The following AGBL1 variants were observed in gnomAD, a reference collection of about 807,000 sequenced individuals.
AGBL1 encodes AGBL carboxypeptidase 1, also known as cytosolic carboxypeptidase 4.
A neutral mutation model predicts 118.9 loss-of-function variants in AGBL1; 130 were observed. The ratio of observed to expected loss-of-function variants is 1.09; its 90% confidence interval spans 0.95 to 1.26. The LOEUF is 1.26. Among genes scored for constraint, AGBL1 ranks in the 50% most tolerant of loss-of-function variants. The pLI is 0.00. For synonymous variants in AGBL1, 555 were observed against 478.9 expected (o/e 1.16, Z -2.08); for missense variants, 1,584 against 1,298.1 (o/e 1.22, Z -3.38).
At chr15:86,923,745 TATC>T (rs2080503551) in intron 23 of AGBL1, among the ~76,000 whole-genome samples, 1 of 152,342 alleles carries the variant, frequency 6.6e-6, no homozygotes, top group East Asian at 1.9e-4. Context: ...TTATGGATAT[TATC>T]TGACAAAATG....
intron 6 of AGBL1, among the ~76,000 whole-genome samples, chr15:86,246,617 G>T (rs1300279897): frequency 8.5e-5 from 13 of 152,142 alleles, no homozygotes; most frequent in Admixed American, 8.5e-4. Context: ...CAGGCCATGT[G>T]GCAAACAACC....
At chr15:86,550,776 T>A (rs901333111) in intron 20 of AGBL1, among the ~76,000 whole-genome samples, 2 of 151,972 alleles carry the variant, frequency 1.3e-5, no homozygotes, top group Admixed American at 1.3e-4. Flanking sequence ...AACAAAAGAA[T>A]GTATATTCTT....
intron 23 of AGBL1, among the ~76,000 whole-genome samples, chr15:86,948,751 T>C (rs1423851845): frequency 6.6e-6 from 1 of 152,216 alleles, no homozygotes; most frequent in African/African-American, 2.4e-5. Context: ...CATTGATATA[T>C]CTAAAATAAA....
chr15:86,563,207 G>A (rs1234577951), intron 21 of AGBL1, among the ~76,000 whole-genome samples: 10 of 151,984 alleles, frequency 6.6e-5, no homozygotes, highest in African/African-American at 2.2e-4. Context: ...GTTTGCTCTT[G>A]CTTCTCTAGT....
intron 22 of AGBL1, among the ~76,000 whole-genome samples, chr15:86,778,261 T>C (rs1265759892): frequency 1.3e-5 from 2 of 152,076 alleles, no homozygotes; most frequent in Admixed American, 6.6e-5. Flanking sequence ...CACAGGACCA[T>C]GGGACTGGGG....
At chr15:86,313,983 C>A (rs2079958981) in intron 17 of AGBL1, among the ~76,000 whole-genome samples, 1 of 152,152 alleles carries the variant, frequency 6.6e-6, no homozygotes, top group Non-Finnish European at 1.5e-5. Context: ...AGATGATGAG[C>A]CCTACTAAAT....
intron 22 of AGBL1, among the ~76,000 whole-genome samples, chr15:86,716,653 C>A (rs541404071): frequency 6.6e-6 from 1 of 152,188 alleles, no homozygotes; most frequent in African/African-American, 2.4e-5. Context: ...ATAGAAAGGA[C>A]ACCTACACCT....
chr15:86,352,108 A>T (rs1596003324), intron 17 of AGBL1, among the ~76,000 whole-genome samples: 1 of 152,176 alleles, frequency 6.6e-6, no homozygotes, highest in South Asian at 2.1e-4. Context: ...CTGAGTAGCT[A>T]GGCTGGCCAG....
chr15:86,895,585 A>C (rs1448123885), intron 22 of AGBL1, among the ~76,000 whole-genome samples: 1 of 152,062 alleles, frequency 6.6e-6, no homozygotes, highest in African/African-American at 2.4e-5. Flanking sequence ...ATTTTCCCTC[A>C]GCATTGACAA....
At chr15:86,803,314 T>G (rs1162414124) in intron 22 of AGBL1, among the ~76,000 whole-genome samples, 4 of 152,154 alleles carry the variant, frequency 2.6e-5, no homozygotes, top group Admixed American at 2.6e-4. Context: ...CTCATGCTCT[T>G]CTCTCTCCTT....
chr15:86,970,008 G>A (rs537658187), intron 23 of AGBL1, among the ~76,000 whole-genome samples: 171 of 151,942 alleles, frequency 1.1e-3, no homozygotes, highest in Non-Finnish European at 5.3e-4. Context: ...GTGGTAGGTC[G>A]TAGCTGCTTT....
intron 17 of AGBL1, among the ~76,000 whole-genome samples, chr15:86,370,856 T>G (rs1003026488): frequency 3.3e-5 from 5 of 152,204 alleles, no homozygotes; most frequent in Non-Finnish European, 7.3e-5. Context: ...ATAGTAGGTG[T>G]GCAGTAAGTG....
At chr15:86,801,628 A>T (rs1300884783) in intron 22 of AGBL1, among the ~76,000 whole-genome samples, 1 of 152,102 alleles carries the variant, frequency 6.6e-6, no homozygotes, top group East Asian at 1.9e-4. Context: ...TCTATAACTT[A>T]TCTATCTAGA....
chr15:86,551,638 T>C (rs1386398048), intron 20 of AGBL1, among the ~76,000 whole-genome samples: 6 of 152,100 alleles, frequency 3.9e-5, no homozygotes, highest in African/African-American at 1.4e-4. Context: ...AAGAACAAAA[T>C]AGTGCTAATT....
At chr15:86,877,408 G>A (rs2079825950) in intron 22 of AGBL1, among the ~76,000 whole-genome samples, 1 of 152,146 alleles carries the variant, frequency 6.6e-6, no homozygotes, top group African/African-American at 2.4e-5. Flanking sequence ...AAGAGATTGG[G>A]CAGATAACCA....
intron 17 of AGBL1, among the ~76,000 whole-genome samples, chr15:86,316,259 C>G (rs1034390208): frequency 6.6e-6 from 1 of 152,138 alleles, no homozygotes; most frequent in East Asian, 1.9e-4. Context: ...GAAATAAATC[C>G]CAACTCATCT....
intron 18 of AGBL1, among the ~76,000 whole-genome samples, chr15:86,518,826 T>A (rs945649769): frequency 1.3e-5 from 2 of 151,760 alleles, no homozygotes; most frequent in African/African-American, 4.8e-5. Flanking sequence ...GGTTATCACA[T>A]CTCTGGTGTG....
At chr15:86,754,911 A>G (rs2077913387) in intron 22 of AGBL1, among the ~76,000 whole-genome samples, 1 of 151,936 alleles carries the variant, frequency 6.6e-6, no homozygotes, top group Admixed American at 6.6e-5. Flanking sequence ...TCTCTCTCAT[A>G]TCCATCCTTT....
rs1360434008 is a variant in AGBL1, at chr15:86,909,952, T to C, written c.*2658T>C. ...TGTTGATCCATCTATGTAACAAATG[T>C]ATATTTAACCCCTAACTGTGGGTCA... On this transcript the variant is annotated 3_prime_UTR_variant, in exon 23 of 23. Coordinates refer to ENST00000614907, the MANE Select transcript of AGBL1 (RefSeq NM_001386094.1). 1 of 152,258 alleles carries C rather than the reference T, an allele frequency of 6.6e-6. No individual in the cohort carries two copies. Among genetic ancestry groups the C allele is most frequent in the Non-Finnish European group, 1.5e-5 (1 of 68,046 alleles). The allele number at this position is 152,258 out of a possible 1,614,324, so 9.4% of individuals were successfully genotyped here. A position where few individuals can be genotyped will look rare whatever the true frequency, so the allele number is the denominator to read the frequency against.
Sources: gnomAD v4.1 joint callset for allele counts (sites outside exome capture counted in the v4.1 genomes callset) on GRCh38, gnomAD v4.1.1 for gene constraint, MANE v1.5 for transcripts, NCBI Gene and HGNC (gene_info 2026-07-23, HGNC 2026-07-21) for gene names.